The following LRRTM4 variants were observed in gnomAD, a reference collection of about 807,000 sequenced individuals.
LRRTM4 encodes leucine-rich repeat transmembrane neuronal protein 4.
LRRTM4 carries 25 observed loss-of-function variants against 47.6 expected under a neutral mutation model. That is an observed-to-expected ratio of 0.53 (90% CI 0.38 to 0.73). The LOEUF (loss-of-function observed/expected upper bound fraction) is 0.73. LRRTM4 is among the 30% of genes least tolerant of loss of function. The pLI, the probability that LRRTM4 is intolerant of heterozygous loss-of-function variation, is 0.00. For missense variants in LRRTM4, 638 were observed against 713.4 expected (o/e 0.89, Z 1.20); for synonymous variants, 311 against 269.5 (o/e 1.15, Z -1.51).
chr2:77,082,348 C>A (rs958821245), intron 3 of LRRTM4, among the ~76,000 whole-genome samples: 5 of 151,868 alleles, frequency 3.3e-5, no homozygotes, highest in Non-Finnish European at 5.9e-5. Flanking sequence ...GAACTCTATG[C>A]GAGAGGGACC....
intron 3 of LRRTM4, among the ~76,000 whole-genome samples, chr2:77,135,134 G>A (rs145224336): frequency 3.3e-5 from 5 of 152,164 alleles, no homozygotes; most frequent in Admixed American, 3.3e-4. Context: ...GAAAACCTGG[G>A]ATCAGATCAG....
chr2:77,082,374 T>C (rs954316184), intron 3 of LRRTM4, among the ~76,000 whole-genome samples: 7 of 152,122 alleles, frequency 4.6e-5, no homozygotes, highest in African/African-American at 1.4e-4. Flanking sequence ...TTCAAATACC[T>C]TACTATTATG....
chr2:76,787,059 A>G (rs1479984954), intron 3 of LRRTM4, among the ~76,000 whole-genome samples: 3 of 152,082 alleles, frequency 2.0e-5, no homozygotes, highest in African/African-American at 7.2e-5. Context: ...CCCTAAGGAA[A>G]ATTCCCACTT....
intron 3 of LRRTM4, among the ~76,000 whole-genome samples, chr2:76,774,423 C>G (rs1478157009): frequency 2.0e-5 from 3 of 152,118 alleles, no homozygotes; most frequent in African/African-American, 7.2e-5. Context: ...ATCTCCTGAC[C>G]TCGTGATCTG....
intron 3 of LRRTM4, among the ~76,000 whole-genome samples, chr2:77,298,960 A>G (rs1573214983): frequency 6.6e-6 from 1 of 152,152 alleles, no homozygotes. Context: ...AACACTTAAG[A>G]TAATTTTTAG....
chr2:76,750,705 C>T (rs1377149366), intron 3 of LRRTM4, among the ~76,000 whole-genome samples: 2 of 152,116 alleles, frequency 1.3e-5, no homozygotes, highest in African/African-American at 4.8e-5. Context: ...CGTCTGTTTA[C>T]TATGCAAGTT....
intron 3 of LRRTM4, among the ~76,000 whole-genome samples, chr2:77,186,584 A>G (rs1673511273): frequency 6.6e-6 from 1 of 152,200 alleles, no homozygotes; most frequent in African/African-American, 2.4e-5. Context: ...TAAAATAATG[A>G]GATTGCAGAA....
intron 3 of LRRTM4, among the ~76,000 whole-genome samples, chr2:77,021,849 A>T (rs1678282703): frequency 6.6e-6 from 1 of 152,184 alleles, no homozygotes; most frequent in South Asian, 2.1e-4. Flanking sequence ...TTTCATATAC[A>T]CATACATTGT....
intron 3 of LRRTM4, among the ~76,000 whole-genome samples, chr2:77,019,026 G>C (rs975343336): frequency 2.0e-5 from 3 of 151,888 alleles, no homozygotes; most frequent in Non-Finnish European, 2.9e-5. Context: ...GAAATGTAGT[G>C]AATTTGAATC....
chr2:77,502,505 A>C (rs2104079688), intron 3 of LRRTM4, among the ~76,000 whole-genome samples: 1 of 151,744 alleles, frequency 6.6e-6, no homozygotes, highest in South Asian at 2.1e-4. Context: ...TTTTCAAAGA[A>C]GATATGTAAT....
intron 3 of LRRTM4, among the ~76,000 whole-genome samples, chr2:77,502,381 T>A (rs180891026): frequency 1.7e-4 from 25 of 151,420 alleles, no homozygotes; most frequent in East Asian, 9.7e-4. Flanking sequence ...AGAGAAAAAA[T>A]TTATATTAAA....
intron 3 of LRRTM4, among the ~76,000 whole-genome samples, chr2:76,932,184 T>C (rs1242544715): frequency 2.6e-5 from 4 of 152,090 alleles, no homozygotes; most frequent in African/African-American, 9.7e-5. Context: ...TGTGATCACC[T>C]CCTTAGTAGC....
chr2:76,944,613 G>A (rs969354614), intron 3 of LRRTM4, among the ~76,000 whole-genome samples: 11 of 152,194 alleles, frequency 7.2e-5, no homozygotes, highest in Admixed American at 5.9e-4. Flanking sequence ...TCTATAGAGA[G>A]AAATTACTGG....
chr2:77,359,817 T>C (rs1432971738), intron 3 of LRRTM4, among the ~76,000 whole-genome samples: 1 of 152,148 alleles, frequency 6.6e-6, no homozygotes, highest in African/African-American at 2.4e-5. Flanking sequence ...ACAGATAAGA[T>C]ACACAAAGTG....
At chr2:77,494,081 T>G (rs1455414982) in intron 3 of LRRTM4, among the ~76,000 whole-genome samples, 1 of 152,152 alleles carries the variant, frequency 6.6e-6, no homozygotes, top group Non-Finnish European at 1.5e-5. Flanking sequence ...CATAGTTATG[T>G]GATAAAATTT....
intron 3 of LRRTM4, among the ~76,000 whole-genome samples, chr2:77,357,329 C>A (rs997849960): frequency 1.3e-5 from 2 of 152,064 alleles, no homozygotes; most frequent in African/African-American, 2.4e-5. Flanking sequence ...TGATCCTGAC[C>A]TTTTTCTATT....
intron 3 of LRRTM4, among the ~76,000 whole-genome samples, chr2:76,861,528 CA>C (rs975144125): frequency 1.3e-5 from 2 of 152,128 alleles, no homozygotes; most frequent in African/African-American, 2.4e-5. Context: ...AGCTCTAGTA[CA>C]AATGCCATCT....
chr2:77,249,699 C>T (rs1262090968), intron 3 of LRRTM4, among the ~76,000 whole-genome samples: 1 of 152,164 alleles, frequency 6.6e-6, no homozygotes, highest in Non-Finnish European at 1.5e-5. Context: ...GGAACAGTAA[C>T]TCTCAATTAT....
intron 3 of LRRTM4, among the ~76,000 whole-genome samples, chr2:77,228,267 A>G (rs1674868475): frequency 6.6e-6 from 1 of 152,066 alleles, no homozygotes; most frequent in South Asian, 2.1e-4. Flanking sequence ...TTATATTTAC[A>G]TTGGTAAGTG....
Sources: gnomAD v4.1 joint callset for allele counts (sites outside exome capture counted in the v4.1 genomes callset) on GRCh38, gnomAD v4.1.1 for gene constraint, MANE v1.5 for transcripts, NCBI Gene and HGNC (gene_info 2026-07-23, HGNC 2026-07-21) for gene names.